The following RBMS1 variants were observed in gnomAD, a reference collection of about 807,000 sequenced individuals.
RBMS1 encodes RNA binding motif single stranded interacting protein 1.
In RBMS1, 17 loss-of-function variants were observed where a neutral mutation model predicts 62.3. The observed-to-expected ratio is 0.27, with a 90% confidence interval of 0.19 to 0.41. The LOEUF (loss-of-function observed/expected upper bound fraction) is 0.41, where lower values mean the gene tolerates loss of function less well. RBMS1 is among the 10% of genes least tolerant of loss of function. The probability of loss-of-function intolerance (pLI) is 1.00; values close to 1 mark genes in which losing one functional copy is unlikely to be tolerated. For missense variants in RBMS1, 334 were observed against 504.5 expected (o/e 0.66, Z 3.24); for synonymous variants, 172 against 170.0 (o/e 1.01, Z -0.09).
chr2:160,422,171 T>G (rs1201594526), intron 1 of RBMS1, among the ~76,000 whole-genome samples: 1 of 152,228 alleles, frequency 6.6e-6, no homozygotes, highest in East Asian at 1.9e-4. Flanking sequence ...GACAAAGATA[T>G]TTATCATCAT....
intron 2 of RBMS1, among the ~76,000 whole-genome samples, chr2:160,366,348 T>C (rs1271747598): frequency 2.6e-5 from 4 of 152,316 alleles, no homozygotes; most frequent in Admixed American, 6.5e-5. Context: ...ATTCAGGTAA[T>C]AGGAAACATT....
intron 1 of RBMS1, among the ~76,000 whole-genome samples, chr2:160,372,132 G>A (rs1385059305): frequency 6.6e-6 from 1 of 151,938 alleles, no homozygotes; most frequent in Non-Finnish European, 1.5e-5. Flanking sequence ...TTACTAATAG[G>A]CTAAAGAACA....
intron 1 of RBMS1, among the ~76,000 whole-genome samples, chr2:160,426,162 C>T (rs1019910659): frequency 1.3e-5 from 2 of 149,030 alleles, no homozygotes; most frequent in East Asian, 2.0e-4. Context: ...TTTATCATCC[C>T]AATTAAAGTG....
chr2:160,462,925 C>T (rs1390890488), intron 1 of RBMS1, among the ~76,000 whole-genome samples: 1 of 152,064 alleles, frequency 6.6e-6, no homozygotes, highest in Admixed American at 6.5e-5. Context: ...CTTAGATAGA[C>T]ATTTCAGTTA....
Position 160,273,141 on chromosome 2 carries a change from T to G in RBMS1, c.*1631A>C, listed in dbSNP as rs1687656972. 1 of 152,236 alleles carries G rather than the reference T, an allele frequency of 6.6e-6. No individual in the cohort carries two copies. Among genetic ancestry groups the G allele is most frequent in the African/African-American group, 2.4e-5 (1 of 41,464 alleles). The allele number at this position is 152,236 out of a possible 1,614,324, so 9.4% of individuals were successfully genotyped here. A position where few individuals can be genotyped will look rare whatever the true frequency, so the allele number is the denominator to read the frequency against. ...AGAGCTTTAATAACAGTGAATTATCTTATATGTACTAAAGTAGAAATAACT... is the reference window on the plus strand; with the variant it reads ...AGAGCTTTAATAACAGTGAATTATCGTATATGTACTAAAGTAGAAATAACT... On this transcript the variant is annotated 3_prime_UTR_variant, in exon 14 of 14. Transcript: ENST00000348849.
intron 1 of RBMS1, among the ~76,000 whole-genome samples, chr2:160,387,095 G>C (rs1010847294): frequency 6.6e-6 from 1 of 152,156 alleles, no homozygotes; most frequent in African/African-American, 2.4e-5. Flanking sequence ...GACACTGTCT[G>C]TTTATCAAAT....
At chr2:160,276,145 G>C (rs1000764688) in intron 12 of RBMS1, among the ~76,000 whole-genome samples, 10 of 152,196 alleles carry the variant, frequency 6.6e-5, no homozygotes, top group Non-Finnish European at 1.0e-4. Context: ...AAGCAGCACA[G>C]TTAAGTGGGA....
In RBMS1 at chr2:160,363,365, A is replaced by C. The variant is rs1286237428; in HGVS notation, c.251+3851T>G. Among the ~76,000 whole-genome samples, 5 of 152,198 alleles carry C rather than the reference A, an allele frequency of 3.3e-5. No homozygotes were observed. The East Asian group carries it at 9.6e-4, about 29-fold the overall frequency. On this transcript the variant is annotated intron_variant, in intron 2 of 13. Transcript: ENST00000348849. ...AATAAGATGCTGATTATGAGCTGGCAATACATAAAAATTTAGAAATAAAGA... is the reference window on the plus strand; with the variant it reads ...AATAAGATGCTGATTATGAGCTGGCCATACATAAAAATTTAGAAATAAAGA...
intron 1 of RBMS1, among the ~76,000 whole-genome samples, chr2:160,489,275 A>G (rs1034505080): frequency 3.3e-5 from 5 of 152,158 alleles, no homozygotes; most frequent in Admixed American, 2.0e-4. Flanking sequence ...TACCCCACTC[A>G]CTTAAGGAAA....
intron 1 of RBMS1, among the ~76,000 whole-genome samples, chr2:160,465,458 T>G (rs1014400742): frequency 1.3e-5 from 2 of 152,172 alleles, no homozygotes; most frequent in African/African-American, 4.8e-5. Flanking sequence ...GAAGCACCGC[T>G]TTTTTGGTCA....
intron 1 of RBMS1, among the ~76,000 whole-genome samples, chr2:160,473,097 G>A (rs1206070510): frequency 6.6e-6 from 1 of 152,172 alleles, no homozygotes; most frequent in African/African-American, 2.4e-5. Flanking sequence ...TACAGTTAAC[G>A]CTAAGTGACA....
At chr2:160,415,927 G>A (rs926151492) in intron 1 of RBMS1, among the ~76,000 whole-genome samples, 5 of 151,854 alleles carry the variant, frequency 3.3e-5, no homozygotes, top group African/African-American at 1.2e-4. Context: ...AATTATAAAG[G>A]TTCAAATAAG....
intron 1 of RBMS1, among the ~76,000 whole-genome samples, chr2:160,480,184 A>T (rs1484951556): frequency 6.6e-6 from 1 of 152,188 alleles, no homozygotes; most frequent in East Asian, 1.9e-4. Flanking sequence ...TCAATTTATT[A>T]TTATGTTTAT....
intron 1 of RBMS1, 102 bp downstream of exon 1, chr2:160,493,187 C>A (rs960994353): frequency 1.8e-6 from 2 of 1,142,252 alleles, no homozygotes; most frequent in Non-Finnish European, 2.5e-6. Flanking sequence ...CTCCGCCCGG[C>A]GGTGGCGGGG....
chr2:160,463,195 T>C (rs1445132872), intron 1 of RBMS1, among the ~76,000 whole-genome samples: 1 of 152,144 alleles, frequency 6.6e-6, no homozygotes, highest in African/African-American at 2.4e-5. Flanking sequence ...ATAAAAGAAA[T>C]GATAACCTGT....
chr2:160,426,304 A>AGGAG (rs1682610435), intron 1 of RBMS1, among the ~76,000 whole-genome samples: 1 of 67,828 alleles, frequency 1.5e-5, no homozygotes, highest in Non-Finnish European at 3.7e-5. Context: ...GAAAGAAGGA[A>AGGAG]GGAAGGAAGG....
At chr2:160,486,314 C>T (rs1411140774) in intron 1 of RBMS1, among the ~76,000 whole-genome samples, 1 of 152,062 alleles carries the variant, frequency 6.6e-6, no homozygotes, top group African/African-American at 2.4e-5. Flanking sequence ...AACTCAAGTT[C>T]GGAGCATGGC....
intron 1 of RBMS1, among the ~76,000 whole-genome samples, chr2:160,397,454 C>T (rs1695207894): frequency 6.6e-6 from 1 of 152,096 alleles, no homozygotes; most frequent in Admixed American, 6.5e-5. Flanking sequence ...CTGCCTCAAC[C>T]TTTCATAAAA....
At chr2:160,378,930 T>G (rs1375921591) in intron 1 of RBMS1, among the ~76,000 whole-genome samples, 1 of 152,188 alleles carries the variant, frequency 6.6e-6, no homozygotes, top group Non-Finnish European at 1.5e-5. Flanking sequence ...TTTCCTTCAG[T>G]TAATGTGGGC....
Sources: gnomAD v4.1 joint callset for allele counts (sites outside exome capture counted in the v4.1 genomes callset) on GRCh38, gnomAD v4.1.1 for gene constraint, MANE v1.5 for transcripts, NCBI Gene and HGNC (gene_info 2026-07-23, HGNC 2026-07-21) for gene names.